Variants in ZNF883 observed in about 807,000 individuals in gnomAD.
ZNF883 encodes the protein zinc finger protein 883.
chr9:113,011,617 T>A (rs1283180582), intron 1 of ZNF883, among the ~76,000 whole-genome samples: 8 of 151,990 alleles, frequency 5.3e-5, no homozygotes, highest in Admixed American at 5.2e-4. Flanking sequence ...AGAAGAGACT[T>A]CAGAAATTTA....
downstream of ZNF883, among the ~76,000 whole-genome samples, chr9:112,994,324 C>CCGTGCTTTTCCT (rs2118602622): frequency 3.3e-5 from 5 of 151,866 alleles, 1 homozygote; most frequent in Middle Eastern, 3.4e-3. Flanking sequence ...TCCTCACTCT[C>CCGTGCTTTTCCT]CATGCTTTTC....
At position 113,006,223 on chromosome 9, in the gene ZNF883, G is replaced by A. The variant is rs562845309; in HGVS notation, n.166-4150C>T. On this transcript the variant is annotated intron_variant and non_coding_transcript_variant, in intron 2 of 4. Transcript: ENST00000638622. ...TAAAAAACATGCCCACCAGAGCCAT[G>A]ACAGTTTACAATTGCCATGGCAATG... 3.3e-5 allele frequency among the ~76,000 whole-genome samples: 5 copies of A among 152,144 alleles called. No individual in the cohort carries two copies. In the South Asian group the frequency reaches 1.0e-3, roughly 32 times the overall value.
chr9:113,006,063 A>C (rs943383165), intron 2 of ZNF883, among the ~76,000 whole-genome samples: 2 of 150,638 alleles, frequency 1.3e-5, no homozygotes, highest in Non-Finnish European at 2.9e-5. Context: ...TAAAGAAACC[A>C]GCCTATTTCT....
chr9:112,990,234 C>A (rs1828288911), intron 1 of ZNF883, among the ~76,000 whole-genome samples: 1 of 152,082 alleles, frequency 6.6e-6, no homozygotes, highest in African/African-American at 2.4e-5. Context: ...CCTATTCAGT[C>A]TGATATTGGC....
downstream of ZNF883, among the ~76,000 whole-genome samples, chr9:112,995,146 G>A (rs987385663): frequency 2.0e-5 from 3 of 152,166 alleles, no homozygotes; most frequent in Non-Finnish European, 4.4e-5. Context: ...ACTAAGTAAA[G>A]CAGATTTCAA....
downstream of ZNF883, among the ~76,000 whole-genome samples, chr9:112,995,405 T>C (rs564458471): frequency 1.6e-4 from 25 of 152,232 alleles, no homozygotes; most frequent in African/African-American, 6.0e-4. Context: ...GGGCTTCTTA[T>C]CATCCATTAA....
chr9:112,997,495 G>A, exon 1 of ZNF883: 1 of 1,613,876 alleles, frequency 6.2e-7, no homozygotes, highest in Non-Finnish European at 8.5e-7. Flanking sequence ...GAGTTCTCTG[G>A]TGTTCAGTAA....
intron 2 of ZNF883, among the ~76,000 whole-genome samples, chr9:113,007,934 G>T (rs1324936): frequency 6.6e-6 from 1 of 151,296 alleles, no homozygotes; most frequent in Non-Finnish European, 1.5e-5. Flanking sequence ...AGAAAAAGAA[G>T]GAAAAGGAGA....
chr9:112,993,883 C>A (rs71503552), downstream of ZNF883, among the ~76,000 whole-genome samples: 1 of 152,176 alleles, frequency 6.6e-6, no homozygotes, highest in Non-Finnish European at 1.5e-5. Context: ...TGGGTCCAAA[C>A]TACCCAGTCT....
downstream of ZNF883, among the ~76,000 whole-genome samples, chr9:112,996,790 C>G (rs535014181): frequency 0.038 from 1,979 of 52,014 alleles, 71 homozygotes; most frequent in South Asian, 0.12. Context: ...GACTCCGTCT[C>G]AAAAAAAAAA....
chr9:112,991,266 C>G (rs545410572), intron 1 of ZNF883, among the ~76,000 whole-genome samples: 1 of 152,196 alleles, frequency 6.6e-6, no homozygotes, highest in South Asian at 2.1e-4. Context: ...TTAGCTGCAT[C>G]ACAGAGATTC....
chr9:112,997,111 CCA>C (rs757604327), downstream of ZNF883: 161 of 1,577,594 alleles, frequency 1.0e-4, no homozygotes, highest in Middle Eastern at 1.2e-3. Context: ...GCAGGCTTTC[CCA>C]CACTCATTAC....
At chr9:112,996,790 C>CAAAAAA (rs61714600), downstream of ZNF883, among the ~76,000 whole-genome samples, 7 of 52,108 alleles carry the variant, frequency 1.3e-4, no homozygotes, top group Admixed American at 3.3e-4. Flanking sequence ...GACTCCGTCT[C>CAAAAAA]AAAAAAAAAA....
In ZNF883 at chr9:112,989,501, C is replaced by T. The variant is rs141130074; in HGVS notation, n.310-5922G>A. 2.0e-5 allele frequency among the ~76,000 whole-genome samples: 3 copies of T among 152,264 alleles called. No homozygotes were observed. The East Asian group carries it at 5.8e-4, about 29-fold the overall frequency. ...TCTATGTGTCGTTTTTGGACCAGTA[C>T]TGTGCTCGTTTGGTTACTGTAGCCT... is the stretch of plus-strand genomic sequence containing the variant. On this transcript the variant is annotated intron_variant and non_coding_transcript_variant, in intron 1 of 9. Transcript: ENST00000638823.
chr9:112,997,102 C>T (rs2118607336), downstream of ZNF883: 3 of 1,562,278 alleles, frequency 1.9e-6, no homozygotes, highest in African/African-American at 1.4e-5. Flanking sequence ...CGACTGACTG[C>T]AGGCTTTCCC....
At chr9:112,999,271 A>G (rs191372727), upstream of ZNF883, 2 of 152,212 alleles carry the variant, frequency 1.3e-5, no homozygotes, top group African/African-American at 4.8e-5. Context: ...GGAACAATAT[A>G]TATGTCTGGA....
exon 1 of ZNF883, chr9:112,997,196 C>G (rs1024056396): frequency 1.2e-6 from 2 of 1,613,818 alleles, no homozygotes; most frequent in East Asian, 4.5e-5. Flanking sequence ...AAAGACATCA[C>G]CACACTTAGT....
chr9:113,009,010 G>T (rs1176395830), intron 2 of ZNF883, among the ~76,000 whole-genome samples: 1 of 152,028 alleles, frequency 6.6e-6, no homozygotes, highest in Non-Finnish European at 1.5e-5. Flanking sequence ...GTCAGACAAT[G>T]AAGGAAATAG....
At chr9:112,988,579 A>C (rs1261866984) in intron 1 of ZNF883, among the ~76,000 whole-genome samples, 2 of 151,994 alleles carry the variant, frequency 1.3e-5, no homozygotes, top group Non-Finnish European at 2.9e-5. Flanking sequence ...GGTTGATTCC[A>C]TGTCTTTGCT....
Sources: allele counts gnomAD v4.1 joint callset (sites outside exome capture counted in the v4.1 genomes callset), GRCh38; gene constraint gnomAD v4.1.1; transcripts MANE v1.5; gene names NCBI Gene and HGNC (gene_info 2026-07-23, HGNC 2026-07-21).